The following GNA12 variants were observed in gnomAD, a reference collection of about 807,000 sequenced individuals.
The protein encoded by GNA12 is G protein subunit alpha 12, also known as guanine nucleotide-binding protein subunit alpha-12.
In GNA12, 9 loss-of-function variants were observed where a neutral mutation model predicts 26.0. That is an observed-to-expected ratio of 0.35 (90% confidence interval 0.21 to 0.60). The LOEUF is 0.60. Among genes scored for constraint, GNA12 ranks in the 20% least tolerant of loss-of-function variants. The probability of loss-of-function intolerance (pLI) is 0.78; values close to 1 mark genes in which losing one functional copy is unlikely to be tolerated. For synonymous variants in GNA12, 264 were observed against 219.6 expected (o/e 1.20, Z -1.79); for missense variants, 405 against 525.8 (o/e 0.77, Z 2.25).
intron 2 of GNA12, among the ~76,000 whole-genome samples, chr7:2,761,036 C>G (rs895665452): frequency 5.3e-5 from 8 of 152,164 alleles, no homozygotes; most frequent in African/African-American, 1.2e-4. Flanking sequence ...GTTTTAGACC[C>G]AAAACAATGA....
chr7:2,770,733 G>T (rs1791927542), intron 2 of GNA12, among the ~76,000 whole-genome samples: 1 of 152,166 alleles, frequency 6.6e-6, no homozygotes, highest in Non-Finnish European at 1.5e-5. Context: ...GCTTCACTGG[G>T]CAGCAGAGCT....
At chr7:2,769,003 A>C (rs1002205901) in intron 2 of GNA12, among the ~76,000 whole-genome samples, 5 of 152,194 alleles carry the variant, frequency 3.3e-5, no homozygotes, top group African/African-American at 1.2e-4. Flanking sequence ...TCCTGGGTTC[A>C]AGCAGTTCTC....
chr7:2,823,403 T>C, intron 1 of GNA12, among the ~76,000 whole-genome samples: 1 of 152,174 alleles, frequency 6.6e-6, no homozygotes, highest in Non-Finnish European at 1.5e-5. Context: ...TTTGACGGCA[T>C]ATGCAGGAGG....
At chr7:2,748,633 T>C (rs1043993139) in intron 2 of GNA12, among the ~76,000 whole-genome samples, 9 of 152,076 alleles carry the variant, frequency 5.9e-5, no homozygotes, top group Non-Finnish European at 1.3e-4. Flanking sequence ...CCAAAAGCAA[T>C]GGCAACAAAA....
At chr7:2,761,871 A>G (rs1365022577) in intron 2 of GNA12, among the ~76,000 whole-genome samples, 2 of 152,150 alleles carry the variant, frequency 1.3e-5, no homozygotes, top group Non-Finnish European at 2.9e-5. Flanking sequence ...CACAACGTAA[A>G]ATTCGGCTTC....
intron 2 of GNA12, among the ~76,000 whole-genome samples, chr7:2,781,952 T>A (rs973737864): frequency 1.3e-5 from 2 of 152,202 alleles, no homozygotes; most frequent in African/African-American, 4.8e-5. Context: ...GTTCCTGGCA[T>A]AAGCATAGAT....
intron 1 of GNA12, among the ~76,000 whole-genome samples, chr7:2,805,737 A>G (rs2644311): frequency 0.58 from 88,396 of 152,080 alleles, 26,000 homozygotes; most frequent in Non-Finnish European, 0.63. Context: ...TATGGGATAT[A>G]CTGTTAAGCC....
At chr7:2,825,745 C>A (rs1490006771) in intron 1 of GNA12, among the ~76,000 whole-genome samples, 1 of 152,128 alleles carries the variant, frequency 6.6e-6, no homozygotes, top group Non-Finnish European at 1.5e-5. Flanking sequence ...AAGGAGGATG[C>A]AGGACAGAGA....
At chr7:2,800,724 G>T (rs1364374356) in intron 1 of GNA12, among the ~76,000 whole-genome samples, 1 of 152,172 alleles carries the variant, frequency 6.6e-6, no homozygotes, top group East Asian at 1.9e-4. Flanking sequence ...GGCCTCAGAC[G>T]GAGCTTTCCG....
At chr7:2,737,274 G>GTTTTGTTTTGTTTTT (rs1790242698) in intron 2 of GNA12, among the ~76,000 whole-genome samples, 18 of 35,044 alleles carry the variant, frequency 5.1e-4, no homozygotes, top group African/African-American at 1.8e-3. Context: ...GTTTTGTTTT[G>GTTTTGTTTTGTTTTT]TTTTTTTTTT....
At chr7:2,785,120 C>T (rs79077983) in intron 2 of GNA12, among the ~76,000 whole-genome samples, 1 of 152,142 alleles carries the variant, frequency 6.6e-6, no homozygotes, top group Admixed American at 6.5e-5. Flanking sequence ...GGCAGAAACA[C>T]ATTAAGTTTC....
intron 1 of GNA12, among the ~76,000 whole-genome samples, chr7:2,803,574 C>G (rs1333935597): frequency 6.6e-6 from 1 of 152,158 alleles, no homozygotes; most frequent in Non-Finnish European, 1.5e-5. Flanking sequence ...CCCACCAGTT[C>G]TCCCAAGTCA....
intron 1 of GNA12, among the ~76,000 whole-genome samples, chr7:2,830,807 C>A (rs1175598063): frequency 6.6e-6 from 1 of 152,084 alleles, no homozygotes; most frequent in Non-Finnish European, 1.5e-5. Flanking sequence ...TGGGCTATGG[C>A]GGTGTGCACC....
At chr7:2,836,936 A>G (rs1335561885) in intron 1 of GNA12, among the ~76,000 whole-genome samples, 1 of 152,186 alleles carries the variant, frequency 6.6e-6, no homozygotes, top group Non-Finnish European at 1.5e-5. Flanking sequence ...ACAACAACAA[A>G]AAACAAATAC....
intron 2 of GNA12, among the ~76,000 whole-genome samples, chr7:2,769,971 C>G (rs1317718138): frequency 6.6e-6 from 1 of 151,834 alleles, no homozygotes; most frequent in Non-Finnish European, 1.5e-5. Context: ...GGGGCAAGTA[C>G]TTTTTCAAAA....
chr7:2,794,695 C>G (rs1792607249), intron 2 of GNA12: 2 of 555,574 alleles, frequency 3.6e-6, no homozygotes, highest in Non-Finnish European at 3.2e-6. Flanking sequence ...CCTCCGTATT[C>G]CCAGAAGAAA....
intron 1 of GNA12, among the ~76,000 whole-genome samples, chr7:2,811,996 C>G (rs1793092426): frequency 6.6e-6 from 1 of 152,240 alleles, no homozygotes; most frequent in East Asian, 1.9e-4. Context: ...GGCAGCACCA[C>G]AGCTTTCCCA....
intron 2 of GNA12, among the ~76,000 whole-genome samples, chr7:2,785,148 A>C (rs1464710587): frequency 1.3e-5 from 2 of 152,336 alleles, no homozygotes; most frequent in Non-Finnish European, 2.9e-5. Flanking sequence ...TGCAGGATCC[A>C]AGAATAGCAA....
chr7:2,777,089 C>A (rs777425191), intron 2 of GNA12, among the ~76,000 whole-genome samples: 1 of 152,178 alleles, frequency 6.6e-6, no homozygotes, highest in Admixed American at 6.5e-5. Context: ...CCTAGTCCTG[C>A]ACCTGTGTAG....
Sources: gnomAD v4.1 joint callset for allele counts (sites outside exome capture counted in the v4.1 genomes callset) on GRCh38, gnomAD v4.1.1 for gene constraint, MANE v1.5 for transcripts, NCBI Gene and HGNC (gene_info 2026-07-23, HGNC 2026-07-21) for gene names.